The following PLEKHA8 variants were observed in gnomAD, a reference collection of about 807,000 sequenced individuals.
The protein encoded by PLEKHA8 is pleckstrin homology domain-containing family A member 8.
A neutral mutation model predicts 68.2 loss-of-function variants in PLEKHA8; 36 were observed. The ratio of observed to expected loss-of-function variants is 0.53; its 90% CI spans 0.40 to 0.70. The LOEUF (loss-of-function observed/expected upper bound fraction) is 0.70, where lower values mean the gene tolerates loss of function less well. Ranked by LOEUF, PLEKHA8 falls within the 30% of genes least tolerant of loss-of-function variation. The pLI is 0.00. For missense variants in PLEKHA8, 505 were observed against 615.4 expected (o/e 0.82, Z 1.90); for synonymous variants, 211 against 216.1 (o/e 0.98, Z 0.20).
At chr7:30,090,136 A>G (rs1795355437) in intron 12 of PLEKHA8, 3 of 1,547,740 alleles carry the variant, frequency 1.9e-6, no homozygotes, top group East Asian at 2.4e-5. Flanking sequence ...AGATTAAAAG[A>G]GTGCACTATG....
chr7:30,086,991 G>A (rs1036396163), downstream of PLEKHA8, among the ~76,000 whole-genome samples: 1 of 152,214 alleles, frequency 6.6e-6, no homozygotes, highest in African/African-American at 2.4e-5. Context: ...CATCAGCACT[G>A]AGGACACAGA....
At chr7:30,095,216 G>T (rs1336863114), downstream of PLEKHA8, among the ~76,000 whole-genome samples, 8 of 152,278 alleles carry the variant, frequency 5.3e-5, no homozygotes, top group East Asian at 1.2e-3. Context: ...AGATCGCCAT[G>T]CTAACTGGTG....
At chr7:30,067,386 CTTGCGCCA>C (rs1489943752) in intron 12 of PLEKHA8, among the ~76,000 whole-genome samples, 1 of 152,144 alleles carries the variant, frequency 6.6e-6, no homozygotes, top group Non-Finnish European at 1.5e-5. Context: ...GGGAGGATCA[CTTGCGCCA>C]GGGATGTTGA....
At chr7:30,119,676 TTTTA>T (rs1204389217) in intron 13 of PLEKHA8, among the ~76,000 whole-genome samples, 1 of 152,200 alleles carries the variant, frequency 6.6e-6, no homozygotes, top group Non-Finnish European at 1.5e-5. Context: ...CCAAGACACA[TTTTA>T]TTACAATGAA....
intron 13 of PLEKHA8, chr7:30,115,778 GCATA>G (rs1356676913): frequency 3.4e-5 from 5 of 148,666 alleles, no homozygotes; most frequent in African/African-American, 5.0e-5. Flanking sequence ...ACGTATGCAT[GCATA>G]CATACGTGCA....
At chr7:30,116,782 G>C (rs1452085445) in intron 13 of PLEKHA8, among the ~76,000 whole-genome samples, 1 of 152,170 alleles carries the variant, frequency 6.6e-6, no homozygotes, top group Non-Finnish European at 1.5e-5. Flanking sequence ...ATTGCTCTCT[G>C]AGCAAAACCT....
At chr7:30,043,000 C>G (rs1003895674) in intron 1 of PLEKHA8, among the ~76,000 whole-genome samples, 9 of 126,042 alleles carry the variant, frequency 7.1e-5, no homozygotes, top group Non-Finnish European at 1.2e-4. Flanking sequence ...CTAGAAGCAT[C>G]ACCTTTTTTG....
At chr7:30,052,942 ATAGGGATTAACC>A in intron 7 of PLEKHA8, 76 bp downstream of exon 7, 1 of 1,252,430 alleles carries the variant, frequency 8.0e-7, no homozygotes, top group Non-Finnish European at 1.1e-6. Context: ...AATATCCATG[ATAGGGATTAACC>A]TCAAGACCAT....
chr7:30,078,564 G>C (rs769238192), intron 13 of PLEKHA8, 26 bp from the exon 14 acceptor site: 1 of 1,611,978 alleles, frequency 6.2e-7, no homozygotes, highest in Non-Finnish European at 8.5e-7. Context: ...ACTTGATGCA[G>C]ATTCTCATGG....
intron 9 of PLEKHA8, among the ~76,000 whole-genome samples, chr7:30,059,038 A>G (rs1793222926): frequency 6.6e-6 from 1 of 152,192 alleles, no homozygotes; most frequent in Non-Finnish European, 1.5e-5. Context: ...GGAGAATCAC[A>G]CGAGCCTGGG....
At chr7:30,039,014 T>C (rs1252926009) in intron 1 of PLEKHA8, among the ~76,000 whole-genome samples, 4 of 152,166 alleles carry the variant, frequency 2.6e-5, no homozygotes, top group Non-Finnish European at 4.4e-5. Flanking sequence ...ATTGAAAACG[T>C]GTTGTTCAAC....
Position 30,078,994 on chromosome 7 carries a change from C to T in PLEKHA8, c.*207C>T. 7.5e-7 allele frequency: 1 copy of T among 1,338,922 alleles called. No individual in the cohort carries two copies. The highest frequency in any genetic ancestry group is 9.5e-7 in the Non-Finnish European group (1 of 1,047,208). 82.9% of individuals were successfully genotyped at this position (1,338,922 alleles called of 1,614,324 possible). A position where few individuals can be genotyped will look rare whatever the true frequency, so the allele number is the denominator to read the frequency against. ...CAAGGTGCTATATATTTCAGTTCAGCAGGCCTACTGGAAACCAAATGATAA... is the reference window on the plus strand; with the variant it reads ...CAAGGTGCTATATATTTCAGTTCAGTAGGCCTACTGGAAACCAAATGATAA... On this transcript the variant is annotated 3_prime_UTR_variant, in exon 14 of 14. Coordinates refer to ENST00000449726, the MANE Select transcript of PLEKHA8 (RefSeq NM_001197026.2).
chr7:30,077,670 C>T (rs1045828881), intron 13 of PLEKHA8, among the ~76,000 whole-genome samples: 1 of 152,136 alleles, frequency 6.6e-6, no homozygotes, highest in East Asian at 1.9e-4. Context: ...ATGATAATGC[C>T]AGTCACTCTC....
In PLEKHA8 at chr7:30,116,040, GCATACGCATA is replaced by G. The variant is rs1407220999; in HGVS notation, c.1363-13219_1363-13210del. ...CATACATACGTATACATACATGTGC[GCATACGCATA>G]CATACGTATGCATACGTATACATGT... On this transcript the variant is annotated intron_variant, in intron 13 of 13. Coordinates refer to the PLEKHA8 transcript ENST00000396257. The G allele has an allele frequency of 1.2e-4, 18 of 146,646 alleles. 2 individuals are homozygous for G. Among genetic ancestry groups the G allele is most frequent in the African/African-American group, 4.3e-4 (17 of 39,604 alleles). The allele number at this position is 146,646 out of a possible 1,614,324, so 9.1% of individuals were successfully genotyped here. A position where few individuals can be genotyped will look rare whatever the true frequency, so the allele number is the denominator to read the frequency against.
In PLEKHA8 at chr7:30,079,248, G is replaced by C; in HGVS notation, c.*461G>C. The C allele has an allele frequency of 1.0e-5, 10 of 992,376 alleles. No individual in the cohort carries two copies. The highest frequency in any genetic ancestry group is 1.2e-5 in the Non-Finnish European group (10 of 834,230). The allele number at this position is 992,376 out of a possible 1,614,324, so 61.5% of individuals were successfully genotyped here. ...GCTTTGTTGAAGCTGTGTAGAGTTT[G>C]CTGTTCCTAGATGTTCTTCAGTGGA... On this transcript the variant is annotated 3_prime_UTR_variant, in exon 14 of 14. Transcript: ENST00000449726.
At position 30,078,905 on chromosome 7, in the gene PLEKHA8, C is replaced by G; in HGVS notation, c.*118C>G. 6.9e-7 allele frequency: 1 copy of G among 1,448,146 alleles called. No individual in the cohort carries two copies. The highest frequency in any genetic ancestry group is 9.1e-7 in the Non-Finnish European group (1 of 1,102,574). The allele number at this position is 1,448,146 out of a possible 1,614,324, so 89.7% of individuals were successfully genotyped here. A position where few individuals can be genotyped will look rare whatever the true frequency, so the allele number is the denominator to read the frequency against. ...CAACCCCTTCACCTGGGGGGATGGACAGGAGGTGGCAAAACCCAGTGCTTT... is the reference window on the plus strand; with the variant it reads ...CAACCCCTTCACCTGGGGGGATGGAGAGGAGGTGGCAAAACCCAGTGCTTT... On this transcript the variant is annotated 3_prime_UTR_variant, in exon 14 of 14. Coordinates refer to ENST00000449726, the MANE Select transcript of PLEKHA8 (RefSeq NM_001197026.2).
downstream of PLEKHA8, among the ~76,000 whole-genome samples, chr7:30,088,927 G>A (rs1302359720): frequency 6.7e-6 from 1 of 150,082 alleles, no homozygotes; most frequent in Non-Finnish European, 1.5e-5. Flanking sequence ...TGGGGTGGGG[G>A]TGGGTTGTGG....
chr7:30,065,689 A>C (rs1793796905), intron 12 of PLEKHA8, among the ~76,000 whole-genome samples: 1 of 152,190 alleles, frequency 6.6e-6, no homozygotes, highest in Non-Finnish European at 1.5e-5. Context: ...TTTAAATTCT[A>C]AAGTTGAATT....
At chr7:30,117,154 C>T (rs562860722) in intron 13 of PLEKHA8, among the ~76,000 whole-genome samples, 1 of 152,256 alleles carries the variant, frequency 6.6e-6, no homozygotes, top group South Asian at 2.1e-4. Context: ...GGATAGAAAG[C>T]ATTTTTGGGA....
Sources: allele counts gnomAD v4.1 joint callset (sites outside exome capture counted in the v4.1 genomes callset), GRCh38; gene constraint gnomAD v4.1.1; transcripts MANE v1.5; gene names NCBI Gene and HGNC (gene_info 2026-07-23, HGNC 2026-07-21).